NIPAL2: variants seen among roughly 807,000 people sequenced by gnomAD.
NIPAL2 encodes the protein NIPA like domain containing 2, also known as NIPA-like protein 2.
A neutral mutation model predicts 48.9 loss-of-function variants in NIPAL2; 43 were observed. The ratio of observed to expected loss-of-function variants is 0.88; its 90% CI spans 0.69 to 1.13. NIPAL2 has a LOEUF of 1.13. Among genes scored for constraint, NIPAL2 ranks in the 50% most tolerant of loss-of-function variants. The pLI, the probability that NIPAL2 is intolerant of heterozygous loss-of-function variation, is 0.00. For synonymous variants in NIPAL2, 167 were observed against 174.6 expected, an observed-to-expected ratio of 0.96 and a Z score of 0.34; for missense variants, 446 against 461.4, an observed-to-expected ratio of 0.97 and a Z score of 0.31.
chr8:98,280,945 C>T (rs1296727448), intron 1 of NIPAL2, among the ~76,000 whole-genome samples: 2 of 151,212 alleles, frequency 1.3e-5, no homozygotes, highest in Non-Finnish European at 2.9e-5. Flanking sequence ...TTTGCAGGCT[C>T]AGTGAAATTA....
chr8:98,214,443 C>G (rs1586321785), intron 5 of NIPAL2, among the ~76,000 whole-genome samples: 2 of 152,188 alleles, frequency 1.3e-5, no homozygotes, highest in South Asian at 4.1e-4. Flanking sequence ...GGATTACAGG[C>G]ATGAGCCACC....
At chr8:98,285,367 C>T (rs2130911372) in intron 1 of NIPAL2, among the ~76,000 whole-genome samples, 1 of 152,276 alleles carries the variant, frequency 6.6e-6, no homozygotes, top group East Asian at 1.9e-4. Flanking sequence ...TGCCCATGTG[C>T]TTTGGGAACA....
chr8:98,192,067 T>C lies in NIPAL2; in HGVS notation c.*911A>G, dbSNP rs1044878068. The C allele has an allele frequency of 6.6e-6, 1 of 152,216 alleles. No homozygotes were observed. Among genetic ancestry groups the C allele is most frequent in the Admixed American group, 6.5e-5 (1 of 15,270 alleles). The allele number at this position is 152,216 out of a possible 1,614,324, so 9.4% of individuals were successfully genotyped here. On this transcript the variant is annotated 3_prime_UTR_variant, in exon 11 of 11. Coordinates refer to ENST00000430223, the MANE Select transcript of NIPAL2 (RefSeq NM_001321635.2). ...GGAGAATAAGACATATAAATCCACT[T>C]GATAAATTATAAGATCTATAAAAAA...
intron 10 of NIPAL2, 133 bp downstream of exon 10, chr8:98,194,595 T>A: frequency 2.1e-6 from 1 of 474,882 alleles, no homozygotes; most frequent in Admixed American, 4.1e-5. Context: ...AATAGCACCT[T>A]TGGTTTCATT....
intron 4 of NIPAL2, among the ~76,000 whole-genome samples, chr8:98,232,369 CCAAT>C (rs1484359517): frequency 6.6e-6 from 1 of 152,082 alleles, no homozygotes; most frequent in Non-Finnish European, 1.5e-5. Context: ...AACAGAGCAC[CCAAT>C]CAGAGTTGTG....
chr8:98,248,611 C>T (rs188796648), intron 3 of NIPAL2, among the ~76,000 whole-genome samples: 3 of 152,304 alleles, frequency 2.0e-5, no homozygotes, highest in Non-Finnish European at 2.9e-5. Flanking sequence ...TGAACCCTGG[C>T]GGTGTGGCCC....
Position 98,251,489 on chromosome 8 carries a change from G to C in NIPAL2, c.376+974C>G, listed in dbSNP as rs183240975. 544 of 152,192 alleles carry C rather than the reference G, an allele frequency of 3.6e-3. 3 individuals carry two copies. The highest frequency in any genetic ancestry group is 0.012 in the African/African-American group (483 of 41,542). The allele number at this position is 152,192 out of a possible 1,614,324, so 9.4% of individuals were successfully genotyped here. A position where few individuals can be genotyped will look rare whatever the true frequency, so the allele number is the denominator to read the frequency against. On this transcript the variant is annotated intron_variant, in intron 3 of 10. Coordinates refer to ENST00000430223, the MANE Select transcript of NIPAL2 (RefSeq NM_001321635.2). Reference sequence around the variant, plus strand: ...GCCTCTTCGGAGTAGTAACAGGATGGCTCTTTTAAGTAGGCAATTTCTAGA... The same window carrying C: ...GCCTCTTCGGAGTAGTAACAGGATGCCTCTTTTAAGTAGGCAATTTCTAGA...
intron 1 of NIPAL2, among the ~76,000 whole-genome samples, chr8:98,266,408 C>T (rs539952865): frequency 7.9e-5 from 12 of 152,048 alleles, no homozygotes; most frequent in Middle Eastern, 3.4e-3. Context: ...TTGAGGCTAG[C>T]CTGGGCAACA....
intron 4 of NIPAL2, among the ~76,000 whole-genome samples, chr8:98,233,207 G>C (rs902930677): frequency 1.3e-5 from 2 of 151,886 alleles, no homozygotes; most frequent in Admixed American, 6.6e-5. Flanking sequence ...GCAGTAAGCT[G>C]AGATCACGCT....
At chr8:98,283,192 T>C (rs73698774) in intron 1 of NIPAL2, among the ~76,000 whole-genome samples, 1,776 of 152,356 alleles carry the variant, frequency 0.012, 37 homozygotes, top group African/African-American at 0.04. Context: ...TGTACATTCT[T>C]TGTTTTTAAA....
At chr8:98,261,241 G>A (rs1264622190) in intron 1 of NIPAL2, among the ~76,000 whole-genome samples, 31 of 150,750 alleles carry the variant, frequency 2.1e-4, no homozygotes, top group Admixed American at 8.6e-4. Flanking sequence ...CCAAAGGAAC[G>A]CAGTTCCTCA....
intron 5 of NIPAL2, among the ~76,000 whole-genome samples, chr8:98,216,790 C>T (rs948372248): frequency 2.0e-5 from 3 of 152,152 alleles, no homozygotes; most frequent in African/African-American, 7.2e-5. Flanking sequence ...ACCAAGCCTG[C>T]CAAAGAACAT....
intron 4 of NIPAL2, among the ~76,000 whole-genome samples, chr8:98,224,821 CAAACTCAG>C (rs1812078141): frequency 7.3e-6 from 1 of 137,476 alleles, no homozygotes; most frequent in African/African-American, 2.7e-5. Context: ...TGCAGTGGTG[CAAACTCAG>C]CTTACTGCAA....
chr8:98,228,831 G>A (rs896465023), intron 4 of NIPAL2, among the ~76,000 whole-genome samples: 3 of 152,170 alleles, frequency 2.0e-5, no homozygotes, highest in African/African-American at 7.2e-5. Flanking sequence ...GAAGGAATGA[G>A]CAGGAAGGAA....
At chr8:98,270,872 G>C (rs1253862563) in intron 1 of NIPAL2, among the ~76,000 whole-genome samples, 1 of 152,042 alleles carries the variant, frequency 6.6e-6, no homozygotes, top group Non-Finnish European at 1.5e-5. Context: ...GAGGTAATTT[G>C]TTTATATGGT....
At position 98,230,980 on chromosome 8, in the gene NIPAL2, GT is replaced by G. The variant is rs535945660; in HGVS notation, c.436+5174del. 1.9e-3 allele frequency among the ~76,000 whole-genome samples: 286 copies of G among 152,294 alleles called. 1 individual carries two copies. Among genetic ancestry groups the G allele is most frequent in the Middle Eastern group, 6.8e-3 (2 of 294 alleles). ...GACCTGACTTTTAGGAGCCTTAAGA[GT>G]TTTTCTTATTCAGCTAACCTGACTG... On this transcript the variant is annotated intron_variant, in intron 4 of 10. Coordinates refer to ENST00000430223, the MANE Select transcript of NIPAL2 (RefSeq NM_001321635.2).
intron 7 of NIPAL2, 145 bp downstream of exon 7, chr8:98,204,966 T>C (rs1003544399): frequency 2.4e-5 from 20 of 823,922 alleles, no homozygotes; most frequent in Non-Finnish European, 3.5e-5. Flanking sequence ...AAGCAAGGCA[T>C]GTTGGCTGAG....
intron 1 of NIPAL2, among the ~76,000 whole-genome samples, chr8:98,286,822 A>C (rs1315027456): frequency 1.4e-5 from 2 of 148,098 alleles, no homozygotes; most frequent in Non-Finnish European, 3.0e-5. Context: ...CAAAAAAAAA[A>C]AAAAAAAAAA....
chr8:98,260,326 G>C (rs181319487), intron 1 of NIPAL2, among the ~76,000 whole-genome samples: 7 of 152,190 alleles, frequency 4.6e-5, no homozygotes, highest in Non-Finnish European at 7.3e-5. Context: ...CAGTGTGAGC[G>C]ACGCAGAAGA....
Sources: allele counts gnomAD v4.1 joint callset (sites outside exome capture counted in the v4.1 genomes callset), GRCh38; gene constraint gnomAD v4.1.1; transcripts MANE v1.5; gene names NCBI Gene and HGNC (gene_info 2026-07-23, HGNC 2026-07-21).